The following NAV2 variants were observed in gnomAD, a reference collection of about 807,000 sequenced individuals.
The protein encoded by NAV2 is neuron navigator 2.
NAV2 carries 54 observed loss-of-function variants against 223.2 expected under a neutral mutation model. The observed-to-expected ratio is 0.24, with a 90% CI of 0.19 to 0.30. The LOEUF (loss-of-function observed/expected upper bound fraction) is 0.30. Ranked by LOEUF, NAV2 falls within the 10% of genes least tolerant of loss-of-function variation. The pLI is 1.00. For missense variants in NAV2, 2,806 were observed against 3,147.5 expected, an observed-to-expected ratio of 0.89 and a Z score of 2.60; for synonymous variants, 1,279 against 1,239.3, an observed-to-expected ratio of 1.03 and a Z score of -0.67.
At chr11:19,558,550 A>G (rs1029185819) in intron 1 of NAV2, among the ~76,000 whole-genome samples, 3 of 152,252 alleles carry the variant, frequency 2.0e-5, no homozygotes, top group Admixed American at 6.5e-5. Flanking sequence ...GAGAGAATCC[A>G]GTGGCAGCGG....
chr11:19,743,966 A>G (rs1389947388), intron 1 of NAV2, among the ~76,000 whole-genome samples: 1 of 152,224 alleles, frequency 6.6e-6, no homozygotes, highest in Non-Finnish European at 1.5e-5. Context: ...GGGTTGTAGT[A>G]TGCTTCCCCT....
At chr11:19,577,653 A>G (rs2045606531) in intron 1 of NAV2, among the ~76,000 whole-genome samples, 1 of 152,206 alleles carries the variant, frequency 6.6e-6, no homozygotes, top group African/African-American at 2.4e-5. Context: ...TTCCTTTGGT[A>G]AATAGCTTCC....
chr11:20,004,678 C>T lies in NAV2; in HGVS notation c.2768+20431C>T, dbSNP rs141120406. Among the ~76,000 whole-genome samples the T allele has an allele frequency of 4.9e-3, 742 of 152,262 alleles. 3 individuals carry two copies. The highest frequency in any genetic ancestry group is 0.017 in the African/African-American group (717 of 41,548). On this transcript the variant is annotated intron_variant, in intron 11 of 37. Transcript: ENST00000349880. ...AAGGGGGTGCTGAAAGAAGATAGCA[C>T]CTAAATCCACTGGGTTGCTTTTCAC...
At position 19,434,472 on chromosome 11, in the gene NAV2, T is replaced by G. The variant is rs184297239; in HGVS notation, c.75+83445T>G. Among the ~76,000 whole-genome samples the G allele has an allele frequency of 2.0e-3, 310 of 152,212 alleles. 2 individuals carry two copies. Among genetic ancestry groups the G allele is most frequent in the Non-Finnish European group, 3.6e-3 (244 of 68,000 alleles). ...AGAAGTTGGAGAGCAAGAAAGGAAG[T>G]GAGGAGTTTTTCAGTGTATCCTTGA... On this transcript the variant is annotated intron_variant, in intron 1 of 37. Transcript: ENST00000360655.
intron 10 of NAV2, among the ~76,000 whole-genome samples, chr11:19,964,301 G>C (rs545706245): frequency 1.3e-5 from 2 of 152,196 alleles, no homozygotes; most frequent in South Asian, 4.2e-4. Flanking sequence ...AGGCTCCTTG[G>C]GAACAGCTTT....
chr11:20,018,927 G>A (rs1192646269), intron 11 of NAV2, among the ~76,000 whole-genome samples: 1 of 152,208 alleles, frequency 6.6e-6, no homozygotes, highest in East Asian at 1.9e-4. Context: ...GAGGCACAGT[G>A]CGAGGGCCTA....
At chr11:19,724,521 G>A (rs557037864) in intron 1 of NAV2, among the ~76,000 whole-genome samples, 270 of 152,272 alleles carry the variant, frequency 1.8e-3, no homozygotes, top group Non-Finnish European at 3.4e-3. Context: ...CCCAGAATGA[G>A]TGTTCTTAAT....
intron 1 of NAV2, among the ~76,000 whole-genome samples, chr11:19,653,193 G>A (rs553228308): frequency 6.6e-6 from 1 of 152,298 alleles, no homozygotes; most frequent in Non-Finnish European, 1.5e-5. Context: ...CTCTGATGTG[G>A]CTGTGTTTCT....
intron 8 of NAV2, among the ~76,000 whole-genome samples, chr11:19,945,482 G>C (rs754508378): frequency 6.6e-6 from 1 of 151,814 alleles, no homozygotes; most frequent in Non-Finnish European, 1.5e-5. Context: ...TAAAGACATC[G>C]TCCAACCTTA....
intron 1 of NAV2, among the ~76,000 whole-genome samples, chr11:19,716,016 C>A (rs12418876): frequency 0.33 from 49,562 of 152,058 alleles, 10,038 homozygotes; most frequent in East Asian, 0.56. Context: ...ACCTTCTTTG[C>A]CAGGGCTTCT....
intron 1 of NAV2, among the ~76,000 whole-genome samples, chr11:19,487,753 C>A (rs563025329): frequency 3.3e-5 from 5 of 152,294 alleles, no homozygotes; most frequent in African/African-American, 1.2e-4. Flanking sequence ...TAAACTTTGA[C>A]AGGGTTTAGA....
intron 3 of NAV2, among the ~76,000 whole-genome samples, chr11:19,867,687 T>C (rs2062182992): frequency 6.6e-6 from 1 of 152,192 alleles, no homozygotes; most frequent in South Asian, 2.1e-4. Context: ...ATGCTAAAAA[T>C]GCAAGGATGG....
chr11:20,013,595 G>A (rs2053758516), intron 11 of NAV2, among the ~76,000 whole-genome samples: 1 of 152,052 alleles, frequency 6.6e-6, no homozygotes, highest in Non-Finnish European at 1.5e-5. Context: ...CCAAAGCTAA[G>A]GTATAGAACA....
At chr11:19,470,595 A>G (rs1465114841) in intron 1 of NAV2, among the ~76,000 whole-genome samples, 2 of 152,228 alleles carry the variant, frequency 1.3e-5, no homozygotes, top group Admixed American at 6.5e-5. Flanking sequence ...ACAATAATCT[A>G]TCGTGACCAT....
intron 1 of NAV2, among the ~76,000 whole-genome samples, chr11:19,480,278 T>C (rs2042239227): frequency 6.6e-6 from 1 of 152,166 alleles, no homozygotes; most frequent in Non-Finnish European, 1.5e-5. Flanking sequence ...GCACCCCTTT[T>C]TCTTGAAGCA....
At chr11:19,820,963 A>G (rs1282018085) in intron 1 of NAV2, among the ~76,000 whole-genome samples, 1 of 152,194 alleles carries the variant, frequency 6.6e-6, no homozygotes, top group Non-Finnish European at 1.5e-5. Flanking sequence ...GAAACGGGGC[A>G]TTGAGAGGAA....
intron 1 of NAV2, among the ~76,000 whole-genome samples, chr11:19,448,106 A>G (rs1161500820): frequency 6.6e-6 from 1 of 152,170 alleles, no homozygotes; most frequent in Admixed American, 6.5e-5. Context: ...GAAACAGACT[A>G]TAATAATTAG....
At chr11:20,015,945 G>A (rs903204507) in intron 11 of NAV2, among the ~76,000 whole-genome samples, 2 of 152,172 alleles carry the variant, frequency 1.3e-5, no homozygotes, top group Non-Finnish European at 2.9e-5. Flanking sequence ...CCGTGTCACG[G>A]AAATCAAACA....
At chr11:19,627,777 A>G (rs543454002) in intron 1 of NAV2, among the ~76,000 whole-genome samples, 3 of 152,110 alleles carry the variant, frequency 2.0e-5, no homozygotes, top group African/African-American at 7.2e-5. Context: ...ATGAGATGGG[A>G]GGGTTGGGCC....
Sources: gnomAD v4.1 joint callset for allele counts (sites outside exome capture counted in the v4.1 genomes callset) on GRCh38, gnomAD v4.1.1 for gene constraint, MANE v1.5 for transcripts, NCBI Gene and HGNC (gene_info 2026-07-23, HGNC 2026-07-21) for gene names.